Variants in WWC1 observed in about 807,000 individuals in gnomAD.
The protein encoded by WWC1 is WW and C2 domain containing 1.
WWC1 carries 55 observed loss-of-function variants against 138.4 expected under a neutral mutation model. That is an observed-to-expected ratio of 0.40 (90% CI 0.32 to 0.50). WWC1 has a LOEUF of 0.50. Among genes scored for constraint, WWC1 ranks in the 20% least tolerant of loss-of-function variants. The probability of loss-of-function intolerance (pLI) is 0.72; values close to 1 mark genes in which losing one functional copy is unlikely to be tolerated. For synonymous variants in WWC1, 524 were observed against 564.9 expected (o/e 0.93, Z 1.03); for missense variants, 1,226 against 1,420.4 (o/e 0.86, Z 2.20).
intron 1 of WWC1, among the ~76,000 whole-genome samples, chr5:168,363,711 C>G (rs1776069272): frequency 6.6e-6 from 1 of 152,034 alleles, no homozygotes; most frequent in Non-Finnish European, 1.5e-5. Context: ...AGATTGAACC[C>G]TGAATGCCAT....
intron 19 of WWC1, among the ~76,000 whole-genome samples, chr5:168,456,038 G>T (rs1756285645): frequency 6.6e-6 from 1 of 152,188 alleles, no homozygotes; most frequent in Admixed American, 6.5e-5. Flanking sequence ...AGTGTCTCAT[G>T]CCTGTAAGCC....
chr5:168,397,228 T>C (rs1423668737), intron 3 of WWC1, among the ~76,000 whole-genome samples: 1 of 151,962 alleles, frequency 6.6e-6, no homozygotes, highest in East Asian at 1.9e-4. Context: ...CTGCAACCTC[T>C]GCCTCTCAGG....
At chr5:168,437,795 T>C (rs943269495) in intron 15 of WWC1, among the ~76,000 whole-genome samples, 1 of 152,158 alleles carries the variant, frequency 6.6e-6, no homozygotes, top group African/African-American at 2.4e-5. Flanking sequence ...AAAGCTGTGA[T>C]CCTGGTCTTT....
At chr5:168,355,943 A>G (rs1775375985) in intron 1 of WWC1, among the ~76,000 whole-genome samples, 1 of 151,836 alleles carries the variant, frequency 6.6e-6, no homozygotes, top group African/African-American at 2.4e-5. Context: ...GGGGAGCCAG[A>G]GAGACGGAGA....
chr5:168,403,070 CTT>C (rs148600569), intron 5 of WWC1, among the ~76,000 whole-genome samples: 1 of 86,832 alleles, frequency 1.2e-5, no homozygotes. Flanking sequence ...TTCTTTCTTT[CTT>C]TCTTTCTTTT....
chr5:168,366,339 G>T (rs532414277), intron 1 of WWC1, among the ~76,000 whole-genome samples: 1 of 152,270 alleles, frequency 6.6e-6, no homozygotes, highest in South Asian at 2.1e-4. Flanking sequence ...CTTGTAAGTT[G>T]CATAGCCTTC....
intron 2 of WWC1, among the ~76,000 whole-genome samples, chr5:168,376,314 A>G (rs1777162479): frequency 1.3e-5 from 2 of 152,190 alleles, no homozygotes; most frequent in Non-Finnish European, 2.9e-5. Context: ...TGGGCCTCCC[A>G]AAGTGCTGGG....
rs146689744 is a variant in WWC1 at position 168,447,104 on chromosome 5, G to A, written c.2525+2519G>A. ...CTGAATATCACAGCTGTAAACTTCC[G>A]TCTCCTCGTCTGTGAAATAGAGATT... On this transcript the variant is annotated intron_variant, in intron 17 of 22. Transcript: ENST00000265293. 1.8e-3 allele frequency among the ~76,000 whole-genome samples: 279 copies of A among 152,240 alleles called. 2 individuals carry two copies. The highest frequency in any genetic ancestry group is 6.5e-3 in the African/African-American group (269 of 41,540).
intron 2 of WWC1, among the ~76,000 whole-genome samples, chr5:168,372,840 G>A (rs560864904): frequency 1.3e-5 from 2 of 152,346 alleles, no homozygotes; most frequent in East Asian, 1.9e-4. Flanking sequence ...CAGAGACTGT[G>A]TCTAATTCAT....
Position 168,292,408 on chromosome 5 carries a change from C to T in WWC1, c.119+137C>T. 9.9e-7 allele frequency: 1 copy of T among 1,013,732 alleles called. No homozygotes were observed. Among genetic ancestry groups the T allele is most frequent in the African/African-American group, 1.7e-5 (1 of 58,074 alleles). 62.8% of individuals were successfully genotyped at this position (1,013,732 alleles called of 1,614,324 possible). A position where few individuals can be genotyped will look rare whatever the true frequency, so the allele number is the denominator to read the frequency against. The stretch of plus-strand genomic sequence containing the variant: ...TGAGCTCTCTTCAGTTCGCCACCCC[C>T]TGCTCCCCCCAACCTTCTGGAGCGC... On this transcript the variant is annotated intron_variant, in intron 1 of 22. Coordinates refer to ENST00000265293, the MANE Select transcript of WWC1 (RefSeq NM_015238.3). This position sits in a 1 kb window ranked among gnomAD's most constrained non-coding sequence, Gnocchi z 4.4.
At chr5:168,301,232 C>T (rs1770040781) in intron 1 of WWC1, among the ~76,000 whole-genome samples, 1 of 152,168 alleles carries the variant, frequency 6.6e-6, no homozygotes, top group African/African-American at 2.4e-5. Context: ...TTTGTTGTTC[C>T]ACCCAAACAT....
intron 9 of WWC1, among the ~76,000 whole-genome samples, chr5:168,420,178 C>T (rs542653949): frequency 9.8e-5 from 15 of 152,294 alleles, no homozygotes; most frequent in East Asian, 5.8e-4. Context: ...GCCATAACAA[C>T]GTACCACAGA....
At chr5:168,407,082 G>A (rs374094340) in intron 6 of WWC1, among the ~76,000 whole-genome samples, 5 of 152,102 alleles carry the variant, frequency 3.3e-5, no homozygotes, top group Non-Finnish European at 5.9e-5. Flanking sequence ...TTGAGCCAGC[G>A]CACCTGGCCC....
chr5:168,335,981 G>A (rs141745961), intron 1 of WWC1, among the ~76,000 whole-genome samples: 186 of 152,274 alleles, frequency 1.2e-3, no homozygotes, highest in African/African-American at 4.3e-3. Context: ...TCTGGTCCTC[G>A]TTTCCTCATC....
chr5:168,298,796 G>C (rs868786935), intron 1 of WWC1, among the ~76,000 whole-genome samples: 11 of 152,246 alleles, frequency 7.2e-5, no homozygotes, highest in African/African-American at 2.4e-4. Context: ...GAAAGGTTAA[G>C]TAACCGGCCG....
intron 4 of WWC1, among the ~76,000 whole-genome samples, chr5:168,398,193 T>A (rs1483526176): frequency 6.6e-6 from 1 of 152,188 alleles, no homozygotes; most frequent in African/African-American, 2.4e-5. Flanking sequence ...GTGCTCTGCC[T>A]CCTGGGTTCA....
In WWC1 at chr5:168,430,108, G is replaced by T. The variant is rs1011584666; in HGVS notation, c.2001-29G>T. 7.2e-6 allele frequency: 11 copies of T among 1,530,608 alleles called. No homozygotes were observed. In the East Asian group the frequency reaches 9.0e-5, roughly 13 times the overall value. 94.8% of individuals were successfully genotyped at this position (1,530,608 alleles called of 1,614,324 possible). On this transcript the variant is annotated intron_variant, in intron 13 of 22. Transcript: ENST00000265293. ...GAGAGAGATGAGTGTGTTACTAATA[G>T]GTACTTCATATGCCCCTTTTCATTT...
chr5:168,300,246 C>T (rs991469181), intron 1 of WWC1, among the ~76,000 whole-genome samples: 3 of 152,156 alleles, frequency 2.0e-5, no homozygotes, highest in Non-Finnish European at 2.9e-5. Context: ...TAGACCTTCC[C>T]CAGCAGGCCA....
intron 1 of WWC1, among the ~76,000 whole-genome samples, chr5:168,303,754 G>A (rs532914013): frequency 6.6e-6 from 1 of 152,246 alleles, no homozygotes; most frequent in East Asian, 1.9e-4. Context: ...GTTTCTCAGT[G>A]GAACTGAGCC....
Sources: allele counts gnomAD v4.1 joint callset (sites outside exome capture counted in the v4.1 genomes callset), GRCh38; gene constraint gnomAD v4.1.1; non-coding constraint Gnocchi (gnomAD v3.1); transcripts MANE v1.5; gene names NCBI Gene and HGNC (gene_info 2026-07-23, HGNC 2026-07-21).